The following UBE2U variants were observed in gnomAD, a reference collection of about 807,000 sequenced individuals.
The protein encoded by UBE2U is ubiquitin-conjugating enzyme E2 U.
Under a neutral mutation model 41.2 loss-of-function variants are expected in UBE2U, and 39 were observed. The ratio of observed to expected loss-of-function variants is 0.95; its 90% confidence interval spans 0.73 to 1.24. The LOEUF (loss-of-function observed/expected upper bound fraction) is 1.24. Ranked by LOEUF, UBE2U falls within the 50% of genes most tolerant of loss-of-function variation. UBE2U has a pLI of 0.00. For synonymous variants in UBE2U, 107 were observed against 117.8 expected (o/e 0.91, Z 0.60); for missense variants, 336 against 363.1 (o/e 0.93, Z 0.61).
chr1:64,215,179 C>T (rs930841428), intron 5 of UBE2U, among the ~76,000 whole-genome samples: 5 of 151,816 alleles, frequency 3.3e-5, no homozygotes, highest in Non-Finnish European at 4.4e-5. Flanking sequence ...TGCGGTGAGC[C>T]GAGATCATGC....
At position 64,211,613 on chromosome 1, in the gene UBE2U, A is replaced by T. The variant is rs137917375; in HGVS notation, c.339+774A>T. Among the ~76,000 whole-genome samples the T allele has an allele frequency of 1.3e-3, 204 of 151,224 alleles. 1 individual carries two copies. The highest frequency in any genetic ancestry group is 4.7e-3 in the Admixed American group (71 of 15,188). ...CCCTACCATGGATGGCTAATTTTTTAAATTTTCTGTAGAGACGGGGTCTCA... is the reference window on the plus strand; with the variant it reads ...CCCTACCATGGATGGCTAATTTTTTTAATTTTCTGTAGAGACGGGGTCTCA... On this transcript the variant is annotated intron_variant, in intron 4 of 9. Transcript: ENST00000371077.
At chr1:64,227,459 C>T (rs1652950929) in intron 6 of UBE2U, among the ~76,000 whole-genome samples, 2 of 152,106 alleles carry the variant, frequency 1.3e-5, no homozygotes, top group South Asian at 4.1e-4. Flanking sequence ...TAAAAATTAA[C>T]TATGTTTCTA....
intron 5 of UBE2U, among the ~76,000 whole-genome samples, chr1:64,217,956 A>T (rs1445371355): frequency 6.6e-6 from 1 of 152,204 alleles, no homozygotes; most frequent in Non-Finnish European, 1.5e-5. Flanking sequence ...CTGGGTTTAA[A>T]AAAATCCTTT....
chr1:64,246,887 A>T (rs1644929809), intron 8 of UBE2U, among the ~76,000 whole-genome samples: 4 of 152,174 alleles, frequency 2.6e-5, no homozygotes, highest in Admixed American at 2.6e-4. Context: ...GGCCTGCCAG[A>T]TACCACAAGC....
At chr1:64,249,233 C>T (rs1003225247) in intron 8 of UBE2U, among the ~76,000 whole-genome samples, 1 of 151,786 alleles carries the variant, frequency 6.6e-6, no homozygotes, top group African/African-American at 2.4e-5. Flanking sequence ...AAAAAATTAG[C>T]CAGGCGCAGT....
intron 3 of UBE2U, among the ~76,000 whole-genome samples, chr1:64,209,491 A>G (rs1651531368): frequency 1.3e-5 from 2 of 152,076 alleles, no homozygotes. Context: ...TCGGTTTGGG[A>G]GTTAAGTTTA....
intron 7 of UBE2U, among the ~76,000 whole-genome samples, chr1:64,238,083 T>C (rs2100422398): frequency 6.6e-6 from 1 of 152,274 alleles, no homozygotes; most frequent in East Asian, 1.9e-4. Flanking sequence ...ATGGTAACCA[T>C]ATCTATTTTA....
At chr1:64,247,391 G>T (rs1173914394) in intron 8 of UBE2U, among the ~76,000 whole-genome samples, 1 of 152,168 alleles carries the variant, frequency 6.6e-6, no homozygotes, top group Non-Finnish European at 1.5e-5. Flanking sequence ...TGCTAGTTTA[G>T]ATGTTCCCCA....
intron 7 of UBE2U, among the ~76,000 whole-genome samples, chr1:64,239,174 A>AGAAGAAGAAG (rs1491581742): frequency 9.5e-5 from 9 of 94,538 alleles, no homozygotes; most frequent in African/African-American, 3.5e-4. Context: ...AAGAAGAAGA[A>AGAAGAAGAAG]GAAGAAGAAG....
intron 8 of UBE2U, among the ~76,000 whole-genome samples, chr1:64,248,733 C>A (rs1205943894): frequency 6.6e-6 from 1 of 151,908 alleles, no homozygotes; most frequent in Non-Finnish European, 1.5e-5. Flanking sequence ...TTTTTGAAGA[C>A]AAAGATTTGT....
intron 8 of UBE2U, among the ~76,000 whole-genome samples, chr1:64,251,941 G>A (rs544079201): frequency 7.2e-5 from 11 of 152,268 alleles, no homozygotes; most frequent in South Asian, 6.2e-4. Context: ...GTTGGGGCCC[G>A]CTAGCTTGGA....
At chr1:64,237,274 G>T (rs1007422679) in intron 7 of UBE2U, among the ~76,000 whole-genome samples, 1 of 142,026 alleles carries the variant, frequency 7.0e-6, no homozygotes, top group African/African-American at 2.6e-5. Context: ...AGGGCAACCC[G>T]TACAGATGTT....
intron 9 of UBE2U, among the ~76,000 whole-genome samples, chr1:64,266,786 A>AAT (rs764131427): frequency 1.3e-5 from 2 of 152,156 alleles, no homozygotes; most frequent in Admixed American, 6.5e-5. Context: ...AGACCCAGTA[A>AAT]ATATATATGC....
chr1:64,251,098 C>A (rs1000815257), intron 8 of UBE2U, among the ~76,000 whole-genome samples: 3 of 151,374 alleles, frequency 2.0e-5, no homozygotes, highest in African/African-American at 4.9e-5. Flanking sequence ...GGGAATCCTT[C>A]CCCGCCCCCC....
chr1:64,235,477 CTA>C (rs2100409572), intron 7 of UBE2U, among the ~76,000 whole-genome samples: 1 of 152,254 alleles, frequency 6.6e-6, no homozygotes, highest in South Asian at 2.1e-4. Context: ...AGATCCAACA[CTA>C]TCTTTTTTTA....
At chr1:64,245,942 A>G (rs1248654101) in intron 8 of UBE2U, among the ~76,000 whole-genome samples, 1 of 152,144 alleles carries the variant, frequency 6.6e-6, no homozygotes, top group Non-Finnish European at 1.5e-5. Context: ...ATAAACATAA[A>G]TTTTATTTGC....
chr1:64,206,018 A>T (rs1310502202), intron 2 of UBE2U, among the ~76,000 whole-genome samples: 1 of 152,180 alleles, frequency 6.6e-6, no homozygotes, highest in Non-Finnish European at 1.5e-5. Context: ...CAATTGAGAG[A>T]ATATCGTCTG....
intron 7 of UBE2U, among the ~76,000 whole-genome samples, chr1:64,233,641 T>A (rs553092476): frequency 1.3e-5 from 2 of 152,318 alleles, no homozygotes; most frequent in East Asian, 3.9e-4. Flanking sequence ...GGCTGTTCAA[T>A]TATATCAATC....
At chr1:64,245,914 G>A (rs942874747) in intron 8 of UBE2U, among the ~76,000 whole-genome samples, 3 of 152,132 alleles carry the variant, frequency 2.0e-5, no homozygotes, top group Admixed American at 6.6e-5. Flanking sequence ...AGATTAGCGA[G>A]TTTTCCTGAG....
Sources: gnomAD v4.1 joint callset for allele counts (sites outside exome capture counted in the v4.1 genomes callset) on GRCh38, gnomAD v4.1.1 for gene constraint, MANE v1.5 for transcripts, NCBI Gene and HGNC (gene_info 2026-07-23, HGNC 2026-07-21) for gene names.